The following CD33 variants were observed in gnomAD, a reference collection of about 807,000 sequenced individuals.
CD33 encodes the protein myeloid cell surface antigen CD33.
In CD33, 25 loss-of-function variants were observed where a neutral mutation model predicts 31.4. The ratio of observed to expected loss-of-function variants is 0.80; its 90% CI spans 0.58 to 1.11. CD33 has a LOEUF of 1.11. CD33 is among the 50% of genes most tolerant of loss of function. The pLI, the probability that CD33 is intolerant of heterozygous loss-of-function variation, is 0.00. For synonymous variants in CD33, 176 were observed against 180.6 expected (o/e 0.97, Z 0.20); for missense variants, 407 against 448.1 (o/e 0.91, Z 0.83).
In CD33 at chr19:51,225,818, C is replaced by G. The variant is rs144932408; in HGVS notation, c.434C>G (p.Pro145Arg). The change falls in exon 3 of 7, where the codon CCC becomes CGC. Residue 145 changes from proline (P) to arginine (R), a missense_variant. Coordinates refer to ENST00000262262, the MANE Select transcript of CD33 (RefSeq NM_001772.4). ...SVHVTDLTHR[P>R]KILIPGTLEP... ...TCCTCACTAGACTTGACCCACAGGC[C>G]CAAAATCCTCATCCCTGGCACTCTA... 3 of 1,613,706 alleles carry G rather than the reference C, an allele frequency of 1.9e-6. No homozygotes were observed. Among genetic ancestry groups the G allele is most frequent in the Non-Finnish European group, 2.5e-6 (3 of 1,179,882 alleles).
chr19:51,226,599 A>G (rs1981053060), intron 4 of CD33, among the ~76,000 whole-genome samples: 1 of 152,128 alleles, frequency 6.6e-6, no homozygotes, highest in South Asian at 2.1e-4. Flanking sequence ...TTTTTAATTG[A>G]TATGTAATAA....
chr19:51,212,754 T>C, the CD33 span, among the ~76,000 whole-genome samples: 33,089 of 152,088 alleles, frequency 0.22, 8,220 homozygotes, highest in African/African-American at 0.62. Context: ...AGTCTGTCCT[T>C]AGATGCCCGT....
At chr19:51,213,435 A>G in the CD33 span, among the ~76,000 whole-genome samples, 2 of 152,008 alleles carry the variant, frequency 1.3e-5, no homozygotes, top group Non-Finnish European at 2.9e-5. Flanking sequence ...GCACCAATGT[A>G]TGTTGCACCA....
chr19:51,211,898 C>T, the CD33 span: 2 of 1,441,650 alleles, frequency 1.4e-6, no homozygotes, highest in South Asian at 2.3e-5. Flanking sequence ...GGACGCCCCC[C>T]ATCTTCTCCT....
At position 51,225,373 on chromosome 19, in the gene CD33, G is replaced by C. The variant is rs115684563; in HGVS notation, c.193G>C (p.Ala65Pro). The C allele has an allele frequency of 2.1e-3, 3,365 of 1,614,196 alleles. 41 individuals are homozygous for C. The African/African-American group carries it at 0.031, about 15-fold the overall frequency. The change falls in exon 2 of 7, where the codon GCC (alanine) becomes CCC (proline). Residue 65 changes from alanine (A) to proline (P), a missense_variant. Transcript: ENST00000262262. Reference protein sequence around the residue: ...PVHGYWFREGAIISRDSPVAT... With the variant: ...PVHGYWFREGPIISRDSPVAT... Reference sequence around the variant, plus strand: ...TCATGGTTACTGGTTCCGGGAAGGAGCCATTATATCCAGGGACTCTCCAGT... The same window carrying C: ...TCATGGTTACTGGTTCCGGGAAGGACCCATTATATCCAGGGACTCTCCAGT...
chr19:51,227,116 T>C (rs1355196978), intron 4 of CD33, among the ~76,000 whole-genome samples: 1 of 152,168 alleles, frequency 6.6e-6, no homozygotes, highest in Non-Finnish European at 1.5e-5. Flanking sequence ...TATTTATTCA[T>C]CTGTTGTTGG....
At position 51,235,240 on chromosome 19, in the gene CD33, C is replaced by G; in HGVS notation, c.829C>G (p.Leu277Val). 6.2e-7 allele frequency: 1 copy of G among 1,613,868 alleles called. No homozygotes were observed. ...VTALLALCLC[L>V]IFFIVKTHRR... Reference sequence around the variant, plus strand: ...AGCCCTGCTCGCTCTTTGTCTCTGCCTCATCTTCTTCATGTGAGCATTTTC... The same window carrying G: ...AGCCCTGCTCGCTCTTTGTCTCTGCGTCATCTTCTTCATGTGAGCATTTTC... Residue 277 changes from leucine (L) to valine (V), a missense_variant, in exon 5 of 7, where the codon CTC (leucine) becomes GTC (valine). Leu to Val is a conservative substitution (Grantham distance 32, BLOSUM62 1). Transcript: ENST00000262262.
chr19:51,235,096 G>C, intron 4 of CD33, 61 bp from the exon 5 acceptor site: 7 of 1,368,364 alleles, frequency 5.1e-6, no homozygotes, highest in South Asian at 1.2e-5. Flanking sequence ...ATGCTGGAGA[G>C]GAGGATACAC....
chr19:51,239,546 G>A lies in CD33; in HGVS notation c.953G>A (p.Gly318Asp). ...PKHQKKSKLH[G>D]PTETSSCSGA... ...CACCAGAAGAAGTCCAAGTTACATG[G>A]CCCCACTGAAACCTCAAGCTGTTCA... The change falls in exon 7 of 7, where the codon GGC (glycine) becomes GAC (aspartate). Residue 318 changes from glycine to aspartate, a missense_variant. Physicochemically the swap from Gly to Asp is moderately conservative, Grantham distance 94. Coordinates refer to ENST00000262262, the MANE Select transcript of CD33 (RefSeq NM_001772.4). 1 of 1,610,712 alleles carries A rather than the reference G, an allele frequency of 6.2e-7. No homozygotes were observed. Among genetic ancestry groups the A allele is most frequent in the Non-Finnish European group, 8.5e-7 (1 of 1,178,554 alleles).
chr19:51,235,280 G>A, intron 5 of CD33, 27 bp downstream of exon 5: 4 of 1,597,820 alleles, frequency 2.5e-6, no homozygotes, highest in Non-Finnish European at 3.4e-6. Context: ...GGTCAGGCAT[G>A]GGCCAGAGGT....
At chr19:51,211,348 T>A in the CD33 span, 1 of 1,556,134 alleles carries the variant, frequency 6.4e-7, no homozygotes, top group East Asian at 2.2e-5. Flanking sequence ...TCATGGTTAC[T>A]GGTTCCGGGA....
chr19:51,217,298 A>G, the CD33 span, among the ~76,000 whole-genome samples: 1 of 152,172 alleles, frequency 6.6e-6, no homozygotes, highest in Admixed American at 6.5e-5. Flanking sequence ...TCTAATGGAT[A>G]TAGTCATTGA....
At chr19:51,211,316 A>C in the CD33 span, 1 of 1,563,276 alleles carries the variant, frequency 6.4e-7, no homozygotes, top group Non-Finnish European at 8.8e-7. Context: ...CCCATACCCT[A>C]CTACAACAGG....
chr19:51,220,778 C>A (rs1980652217), upstream of CD33, among the ~76,000 whole-genome samples: 1 of 152,172 alleles, frequency 6.6e-6, no homozygotes, highest in Non-Finnish European at 1.5e-5. Flanking sequence ...CCCTCCAGAC[C>A]TTGCCTTCTC....
the CD33 span, chr19:51,211,894 C>T: frequency 4.9e-6 from 7 of 1,440,806 alleles, no homozygotes; most frequent in East Asian, 1.4e-4. Context: ...CAGGGGACGC[C>T]CCCCATCTTC....
intron 4 of CD33, 99 bp downstream of exon 4, chr19:51,226,455 G>A (rs778873426): frequency 6.5e-6 from 7 of 1,071,078 alleles, no homozygotes; most frequent in African/African-American, 6.2e-5. Flanking sequence ...CAGAGGCAAG[G>A]CCTGCAGTTA....
At chr19:51,229,538 T>C (rs1379243450) in intron 4 of CD33, among the ~76,000 whole-genome samples, 2 of 152,138 alleles carry the variant, frequency 1.3e-5, no homozygotes, top group Non-Finnish European at 2.9e-5. Flanking sequence ...ATTTTCTTTG[T>C]TGGGGGGCCT....
chr19:51,229,096 T>C (rs1981233017), intron 4 of CD33, among the ~76,000 whole-genome samples: 2 of 152,224 alleles, frequency 1.3e-5, no homozygotes, highest in African/African-American at 2.4e-5. Context: ...GTTTCTATCA[T>C]GAAACAATAT....
rs201364242 is a variant in CD33 at position 51,235,650 on chromosome 19, C to A, written c.898C>A (p.His300Asn). ...GACAGCAGTGGGCAGGAATGACACC[C>A]ACCCTACCACAGGGTCAGCCTCCCC... ...ARTAVGRNDTHPTTGSASPKH... is the reference protein window; with the variant it reads ...ARTAVGRNDTNPTTGSASPKH... The change falls in exon 6 of 7, where the codon CAC becomes AAC. Residue 300 changes from histidine (H) to asparagine (N), a missense_variant. By Grantham distance (68) the His-to-Asn change is moderately conservative. Transcript: ENST00000262262. The A allele has an allele frequency of 6.2e-6, 10 of 1,613,908 alleles. No individual in the cohort carries two copies. Among genetic ancestry groups the A allele is most frequent in the Non-Finnish European group, 8.5e-6 (10 of 1,179,946 alleles).
Sources: gnomAD v4.1 joint callset for allele counts (sites outside exome capture counted in the v4.1 genomes callset) on GRCh38, gnomAD v4.1.1 for gene constraint, MANE v1.5 for transcripts, NCBI Gene and HGNC (gene_info 2026-07-23, HGNC 2026-07-21) for gene names.